SIL1: variants seen among roughly 807,000 people sequenced by gnomAD.
SIL1 encodes the protein SIL1 nucleotide exchange factor.
SIL1 carries 40 observed loss-of-function variants against 49.1 expected under a neutral mutation model. The observed-to-expected ratio is 0.81, with a 90% confidence interval of 0.63 to 1.06. The LOEUF (loss-of-function observed/expected upper bound fraction) is 1.06, where lower values mean the gene tolerates loss of function less well. Among genes scored for constraint, SIL1 ranks in the 50% least tolerant of loss-of-function variants. SIL1 has a pLI of 0.00. For synonymous variants in SIL1, 253 were observed against 250.8 expected (o/e 1.01, Z -0.08); for missense variants, 500 against 572.6 (o/e 0.87, Z 1.29).
intron 7 of SIL1, among the ~76,000 whole-genome samples, chr5:139,005,357 T>A (rs13361368): frequency 0.021 from 3,264 of 151,956 alleles, 125 homozygotes; most frequent in African/African-American, 0.076. Flanking sequence ...TTTGATAAAA[T>A]CTTATTTAAG....
intron 1 of SIL1, among the ~76,000 whole-genome samples, chr5:139,164,668 C>CTT (rs1751581329): frequency 6.6e-6 from 1 of 152,170 alleles, no homozygotes; most frequent in Admixed American, 6.5e-5. Context: ...AGGTGGGTAT[C>CTT]AGTACACACT....
chr5:139,171,441 CAG>C (rs1751766521), intron 1 of SIL1, among the ~76,000 whole-genome samples: 1 of 152,186 alleles, frequency 6.6e-6, no homozygotes, highest in South Asian at 2.1e-4. Flanking sequence ...TGTGTCCACT[CAG>C]GGTTAAATGG....
intron 1 of SIL1, among the ~76,000 whole-genome samples, chr5:139,172,533 T>A (rs925778852): frequency 2.0e-5 from 3 of 150,912 alleles, no homozygotes; most frequent in Non-Finnish European, 4.4e-5. Flanking sequence ...CTTGGGAGGC[T>A]GAGGCAGGAG....
intron 7 of SIL1, among the ~76,000 whole-genome samples, chr5:139,005,187 T>C (rs1768083024): frequency 6.6e-6 from 1 of 152,122 alleles, no homozygotes; most frequent in Admixed American, 6.6e-5. Context: ...TTCCAGAATG[T>C]ATATATATTT....
chr5:139,198,087 G>T (rs765639620), intron 1 of SIL1, among the ~76,000 whole-genome samples, 182 bp downstream of exon 1: 5 of 152,204 alleles, frequency 3.3e-5, no homozygotes, highest in African/African-American at 1.2e-4. Context: ...GATAAGAAAG[G>T]TAGGCCTTCG....
At chr5:139,056,976 A>G (rs1369875442) in intron 3 of SIL1, among the ~76,000 whole-genome samples, 1 of 152,222 alleles carries the variant, frequency 6.6e-6, no homozygotes, top group East Asian at 1.9e-4. Context: ...TGTACTAAGA[A>G]AAATTCTTCT....
chr5:138,956,881 C>T lies in SIL1; in HGVS notation c.768-4997G>A, dbSNP rs558876272. On this transcript the variant is annotated intron_variant, in intron 7 of 9. Transcript: ENST00000394817. ...TACAAAGTCAAGCTTCCAGGAATAA[C>T]AAAACACATGAGCTGCACATCACTT... 2.0e-5 allele frequency among the ~76,000 whole-genome samples: 3 copies of T among 152,086 alleles called. No individual in the cohort carries two copies. In the East Asian group the frequency reaches 5.8e-4, roughly 29 times the overall value.
At chr5:139,183,005 TAACTGG>T (rs1366080399) in intron 1 of SIL1, among the ~76,000 whole-genome samples, 1 of 152,196 alleles carries the variant, frequency 6.6e-6, no homozygotes, top group Non-Finnish European at 1.5e-5. Flanking sequence ...TGGAGTTAGT[TAACTGG>T]AACTGTGACT....
chr5:139,139,156 T>C (rs1016486484), intron 1 of SIL1, among the ~76,000 whole-genome samples: 1 of 152,190 alleles, frequency 6.6e-6, no homozygotes, highest in Non-Finnish European at 1.5e-5. Context: ...GCAGCTAGCA[T>C]CCAGGGACTA....
chr5:139,048,880 G>A (rs1321961603), intron 4 of SIL1, among the ~76,000 whole-genome samples: 2 of 152,156 alleles, frequency 1.3e-5, no homozygotes, highest in Non-Finnish European at 2.9e-5. Context: ...GTCTGACCTG[G>A]GCCACTCCAA....
At chr5:139,151,087 T>C (rs910514724) in intron 1 of SIL1, among the ~76,000 whole-genome samples, 2 of 152,146 alleles carry the variant, frequency 1.3e-5, no homozygotes, top group Non-Finnish European at 2.9e-5. Context: ...AAAATAGGTA[T>C]TGAAGAAGAA....
At chr5:139,128,347 C>A (rs1750795703) in intron 1 of SIL1, among the ~76,000 whole-genome samples, 1 of 152,150 alleles carries the variant, frequency 6.6e-6, no homozygotes. Context: ...CTCACATCAG[C>A]TTTCAAACAG....
At chr5:139,151,341 C>T (rs1751296119) in intron 1 of SIL1, among the ~76,000 whole-genome samples, 1 of 152,132 alleles carries the variant, frequency 6.6e-6, no homozygotes, top group African/African-American at 2.4e-5. Context: ...GTGCAAGGTG[C>T]TGGGAACACA....
At chr5:139,184,198 G>C (rs1752039384) in intron 1 of SIL1, among the ~76,000 whole-genome samples, 1 of 152,152 alleles carries the variant, frequency 6.6e-6, no homozygotes, top group Non-Finnish European at 1.5e-5. Flanking sequence ...AACTGCAATG[G>C]TCCTGGAAAT....
chr5:139,073,077 A>G (rs888774622), intron 3 of SIL1, among the ~76,000 whole-genome samples: 1 of 152,220 alleles, frequency 6.6e-6, no homozygotes, highest in Non-Finnish European at 1.5e-5. Context: ...GGATGTACAG[A>G]AAAGAGAAGC....
intron 7 of SIL1, among the ~76,000 whole-genome samples, chr5:138,984,353 TG>T (rs200136177): frequency 6.7e-6 from 1 of 149,692 alleles, no homozygotes; most frequent in South Asian, 2.1e-4. Flanking sequence ...TGTTTGCTTT[TG>T]TTTTTTTTTT....
At chr5:139,114,057 G>A (rs774073570) in intron 3 of SIL1, among the ~76,000 whole-genome samples, 54 of 152,254 alleles carry the variant, frequency 3.5e-4, no homozygotes, top group Non-Finnish European at 7.1e-4. Context: ...ATGGCCAACA[G>A]CTGCTCTCCA....
At chr5:139,065,001 G>A (rs78338985) in intron 3 of SIL1, among the ~76,000 whole-genome samples, 3,472 of 152,274 alleles carry the variant, frequency 0.023, 128 homozygotes, top group African/African-American at 0.08. Context: ...TCCCAGCTAT[G>A]AGAAAAAGAC....
intron 1 of SIL1, among the ~76,000 whole-genome samples, chr5:139,197,136 C>T (rs920512586): frequency 2.6e-5 from 4 of 151,920 alleles, no homozygotes; most frequent in African/African-American, 7.3e-5. Flanking sequence ...GGCACGATGG[C>T]GCATGCCTGT....
Sources: allele counts gnomAD v4.1 joint callset (sites outside exome capture counted in the v4.1 genomes callset), GRCh38; gene constraint gnomAD v4.1.1; transcripts MANE v1.5; gene names NCBI Gene and HGNC (gene_info 2026-07-23, HGNC 2026-07-21).